CDC25A: variants seen among roughly 807,000 people sequenced by gnomAD.
The protein encoded by CDC25A is cell division cycle 25A.
In CDC25A, 17 loss-of-function variants were observed where a neutral mutation model predicts 64.6. That is an observed-to-expected ratio of 0.26 (90% CI 0.18 to 0.39). The LOEUF (loss-of-function observed/expected upper bound fraction) is 0.39. CDC25A is among the 10% of genes least tolerant of loss of function. The pLI, the probability that CDC25A is intolerant of heterozygous loss-of-function variation, is 1.00. For synonymous variants in CDC25A, 229 were observed against 238.6 expected, an observed-to-expected ratio of 0.96 and a Z score of 0.37; for missense variants, 473 against 654.8, an observed-to-expected ratio of 0.72 and a Z score of 3.03.
At chr3:48,172,574 T>G (rs912212751) in intron 9 of CDC25A, among the ~76,000 whole-genome samples, 1 of 152,134 alleles carries the variant, frequency 6.6e-6, no homozygotes, top group Non-Finnish European at 1.5e-5. Flanking sequence ...TGACACTAGC[T>G]CACCCATGCC....
At chr3:48,160,189 T>C (rs1263708729) in intron 13 of CDC25A, among the ~76,000 whole-genome samples, 2 of 152,086 alleles carry the variant, frequency 1.3e-5, no homozygotes. Context: ...TCAGGCTCAC[T>C]GCAATCTCCG....
chr3:48,178,615 C>A (rs999943151), intron 6 of CDC25A, among the ~76,000 whole-genome samples: 3 of 152,166 alleles, frequency 2.0e-5, no homozygotes, highest in Non-Finnish European at 4.4e-5. Context: ...TTTTCTTTAG[C>A]AAATCAGGAA....
rs974607680 is a variant in CDC25A, at chr3:48,158,180, T to C, written c.*765A>G. ...CCACCAAATAGATATCGGTAGCCAG[T>C]GGTGGGTCTGGGAGATTTAGCTTAT... On this transcript the variant is annotated 3_prime_UTR_variant, in exon 15 of 15. Transcript: ENST00000302506. 6.6e-6 allele frequency: 1 copy of C among 152,652 alleles called. No individual in the cohort carries two copies. The highest frequency in any genetic ancestry group is 2.4e-5 in the African/African-American group (1 of 41,450). The allele number at this position is 152,652 out of a possible 1,614,324, so 9.5% of individuals were successfully genotyped here. A position where few individuals can be genotyped will look rare whatever the true frequency, so the allele number is the denominator to read the frequency against.
rs954966110 is a variant in CDC25A at position 48,182,956 on chromosome 3, G to A, written c.402C>T (p.Leu134=). The change falls in exon 5 of 15, where the codon CTC becomes CTT. Residue 134 remains leucine (L), a synonymous_variant. Coordinates refer to ENST00000302506, the MANE Select transcript of CDC25A (RefSeq NM_001789.3). The stretch of plus-strand genomic sequence containing the variant: ...TTTCCTTGTTCTCATCTGGGTCGAT[G>A]AGCTGAAAGATGTCATGGTCAAGAG... ...SDSLDHDIFQ[L]IDPDENKENE... The A allele has an allele frequency of 1.9e-6, 3 of 1,612,950 alleles. No homozygotes were observed. Among genetic ancestry groups the A allele is most frequent in the South Asian group, 1.1e-5 (1 of 91,052 alleles).
chr3:48,170,271 C>T (rs929853318), intron 9 of CDC25A, among the ~76,000 whole-genome samples: 2 of 152,090 alleles, frequency 1.3e-5, no homozygotes, highest in African/African-American at 4.8e-5. Flanking sequence ...AGCGTCAGAT[C>T]AGGAAGTTGA....
At chr3:48,173,430 T>G (rs1170184724) in intron 9 of CDC25A, among the ~76,000 whole-genome samples, 1 of 152,142 alleles carries the variant, frequency 6.6e-6, no homozygotes, top group Non-Finnish European at 1.5e-5. Flanking sequence ...ACCATTCAAC[T>G]CATGAAGCTG....
rs201467989 is a variant in CDC25A at position 48,177,926 on chromosome 3, C to T, written c.612G>A (p.Gln204=). ...CAGACAAAGTGGCTGTCACAGGTGA[C>T]TGGGGTGTAAAAAGAGGAATGAAAT... ...PGNFIPLFTP[Q]SPVTATLSDE... Residue 204 remains glutamine, a synonymous_variant, in exon 7 of 15, where the codon CAG becomes CAA. Transcript: ENST00000302506. 27 of 1,613,882 alleles carry T rather than the reference C, an allele frequency of 1.7e-5. No homozygotes were observed. In the African/African-American group the frequency reaches 2.8e-4, roughly 17 times the overall value.
intron 3 of CDC25A, 52 bp downstream of exon 3, chr3:48,184,601 G>C: frequency 1.6e-6 from 2 of 1,286,894 alleles, no homozygotes; most frequent in Non-Finnish European, 2.2e-6. Flanking sequence ...AGGTATTTAA[G>C]TTTAGACACG....
intron 5 of CDC25A, chr3:48,181,786 AGAATC>A: frequency 1.6e-6 from 1 of 621,716 alleles, no homozygotes; most frequent in Non-Finnish European, 2.9e-6. Flanking sequence ...AAAACCATGA[AGAATC>A]AAAAAAAAAA....
chr3:48,183,092 G>T, intron 4 of CDC25A, 62 bp from the exon 5 acceptor site: 1 of 1,189,440 alleles, frequency 8.4e-7, no homozygotes, highest in Non-Finnish European at 1.2e-6. Context: ...GGAAAATTCA[G>T]TTCTCAAAAG....
chr3:48,188,097 C>A lies in CDC25A; in HGVS notation c.-150G>T. Reference sequence around the variant, plus strand: ...CTCCGCGGTTCAGGGACGCGGCTGCCGCGGGCAAGCGGCGCGGCCGGGCGG... The same window carrying A: ...CTCCGCGGTTCAGGGACGCGGCTGCAGCGGGCAAGCGGCGCGGCCGGGCGG... On this transcript the variant is annotated 5_prime_UTR_variant, in exon 1 of 15. Coordinates refer to ENST00000302506, the MANE Select transcript of CDC25A (RefSeq NM_001789.3). 1 of 589,558 alleles carries A rather than the reference C, an allele frequency of 1.7e-6. No homozygotes were observed. 36.5% of individuals were successfully genotyped at this position (589,558 alleles called of 1,614,324 possible). A position where few individuals can be genotyped will look rare whatever the true frequency, so the allele number is the denominator to read the frequency against.
Position 48,158,214 on chromosome 3 carries a change from G to C in CDC25A, c.*731C>G, listed in dbSNP as rs2031600796. 6.6e-6 allele frequency: 1 copy of C among 152,632 alleles called. No individual in the cohort carries two copies. Among genetic ancestry groups the C allele is most frequent in the Non-Finnish European group, 1.5e-5 (1 of 68,060 alleles). 9.5% of individuals were successfully genotyped at this position (152,632 alleles called of 1,614,324 possible). On this transcript the variant is annotated 3_prime_UTR_variant, in exon 15 of 15. Transcript: ENST00000302506. ...TGGGAGATTTAGCTTATGTCAGGCA[G>C]CCAAGCCTGGGTCCAACGCTCTCAC...
intron 10 of CDC25A, among the ~76,000 whole-genome samples, chr3:48,166,711 C>T (rs1256387303): frequency 6.6e-6 from 1 of 152,178 alleles, no homozygotes; most frequent in Non-Finnish European, 1.5e-5. Flanking sequence ...CATGCATAGG[C>T]CCATTAAGAC....
chr3:48,160,247 G>A (rs949439781), intron 13 of CDC25A, among the ~76,000 whole-genome samples: 1 of 151,948 alleles, frequency 6.6e-6, no homozygotes, highest in African/African-American at 2.4e-5. Flanking sequence ...CAAATAGCTG[G>A]GACTACAGGC....
chr3:48,179,214 A>G (rs2032574191), intron 6 of CDC25A, among the ~76,000 whole-genome samples: 1 of 152,220 alleles, frequency 6.6e-6, no homozygotes, highest in Non-Finnish European at 1.5e-5. Context: ...ATTATGGGGC[A>G]GTACCTTTAT....
intron 8 of CDC25A, among the ~76,000 whole-genome samples, chr3:48,176,375 C>T (rs2032455930): frequency 6.6e-6 from 1 of 151,568 alleles, no homozygotes; most frequent in African/African-American, 2.4e-5. Context: ...GATGAAAACA[C>T]GAATCTATAG....
chr3:48,178,564 T>C (rs1000812026), intron 6 of CDC25A, among the ~76,000 whole-genome samples: 3 of 152,242 alleles, frequency 2.0e-5, no homozygotes, highest in African/African-American at 4.8e-5. Flanking sequence ...TATAATCCAA[T>C]AGAAGCCTCA....
chr3:48,165,681 G>A lies in CDC25A; in HGVS notation c.1146C>T (p.Ile382=). ...ATTCATATGGGTATCGACAGTCGAT[G>A]ATAACAAACTCTTTAATGAGGTTGG... ...KFANLIKEFV[I]IDCRYPYEYE... The change falls in exon 12 of 15, where the codon ATC becomes ATT. Residue 382 remains isoleucine (I), a synonymous_variant. Transcript: ENST00000302506. 6.2e-7 allele frequency: 1 copy of A among 1,614,030 alleles called. No homozygotes were observed. Among genetic ancestry groups the A allele is most frequent in the Non-Finnish European group, 8.5e-7 (1 of 1,179,918 alleles).
At chr3:48,173,510 AAGACTTTT>A (rs1168904486) in intron 9 of CDC25A, among the ~76,000 whole-genome samples, 1 of 152,238 alleles carries the variant, frequency 6.6e-6, no homozygotes, top group African/African-American at 2.4e-5. Flanking sequence ...ATTGAGGCAG[AAGACTTTT>A]AGACAATAAT....
Sources: gnomAD v4.1 joint callset for allele counts (sites outside exome capture counted in the v4.1 genomes callset) on GRCh38, gnomAD v4.1.1 for gene constraint, MANE v1.5 for transcripts, NCBI Gene and HGNC (gene_info 2026-07-23, HGNC 2026-07-21) for gene names.